The following SLC35F3 variants were observed in gnomAD, a reference collection of about 807,000 sequenced individuals.
The protein encoded by SLC35F3 is putative thiamine transporter SLC35F3.
Under a neutral mutation model 49.9 loss-of-function variants are expected in SLC35F3, and 25 were observed. That is an observed-to-expected ratio of 0.50 (90% CI 0.37 to 0.70). The LOEUF is 0.70. SLC35F3 is among the 30% of genes least tolerant of loss of function. SLC35F3 has a pLI of 0.00. For synonymous variants in SLC35F3, 275 were observed against 265.4 expected, an observed-to-expected ratio of 1.04 and a Z score of -0.35; for missense variants, 525 against 639.8, an observed-to-expected ratio of 0.82 and a Z score of 1.94.
chr1:233,952,772 G>A (rs755197214), intron 2 of SLC35F3, among the ~76,000 whole-genome samples: 4 of 152,086 alleles, frequency 2.6e-5, no homozygotes, highest in Non-Finnish European at 5.9e-5. Flanking sequence ...TCCCTCACAT[G>A]TGCACTGCTG....
chr1:233,929,149 G>A (rs1662204608), intron 2 of SLC35F3, among the ~76,000 whole-genome samples: 1 of 152,044 alleles, frequency 6.6e-6, no homozygotes, highest in Non-Finnish European at 1.5e-5. Context: ...GTAAAGATTT[G>A]GCCCAATAAT....
At chr1:234,069,133 T>C (rs920165237) in intron 2 of SLC35F3, among the ~76,000 whole-genome samples, 26 of 133,532 alleles carry the variant, frequency 1.9e-4, no homozygotes, top group African/African-American at 7.2e-4. Context: ...ATATAAAATA[T>C]ATAATATATA....
chr1:234,035,057 C>T (rs1003270015), intron 2 of SLC35F3, among the ~76,000 whole-genome samples: 16 of 152,144 alleles, frequency 1.1e-4, no homozygotes, highest in Non-Finnish European at 2.2e-4. Context: ...ATGCCTAATG[C>T]GCAGCTGTCA....
chr1:234,296,084 G>GC (rs1277027414), intron 3 of SLC35F3, among the ~76,000 whole-genome samples: 1 of 152,214 alleles, frequency 6.6e-6, no homozygotes, highest in Non-Finnish European at 1.5e-5. Flanking sequence ...TGAGAGCCCA[G>GC]CAGCTGTTAT....
At chr1:234,140,194 A>G (rs953790508) in intron 2 of SLC35F3, among the ~76,000 whole-genome samples, 10 of 151,822 alleles carry the variant, frequency 6.6e-5, no homozygotes, top group African/African-American at 2.4e-4. Context: ...TAAACCTATG[A>G]GCCGTTTCTG....
At chr1:234,191,229 T>G (rs1404501048) in intron 2 of SLC35F3, among the ~76,000 whole-genome samples, 1 of 152,120 alleles carries the variant, frequency 6.6e-6, no homozygotes, top group African/African-American at 2.4e-5. Flanking sequence ...TTAAGAAAAC[T>G]GAAATTATGT....
rs767985589 is a variant in SLC35F3, at chr1:234,316,566, G to A, written c.829-36G>A. 2.7e-5 allele frequency: 42 copies of A among 1,583,268 alleles called. No individual in the cohort carries two copies. The Middle Eastern group carries it at 1.5e-3, about 56-fold the overall frequency. On this transcript the variant is annotated intron_variant, in intron 4 of 7. Coordinates refer to ENST00000366618, the MANE Select transcript of SLC35F3 (RefSeq NM_173508.4). ...TGCATACTCCCTCTGACTCCGTCCC[G>A]ACTTCCCTGACCAGCATTTTCTTCC...
chr1:233,952,153 T>C lies in SLC35F3; in HGVS notation c.283+46395T>C, dbSNP rs183093261. 3.1e-3 allele frequency among the ~76,000 whole-genome samples: 477 copies of C among 152,282 alleles called. 3 individuals are homozygous for C. Among genetic ancestry groups the C allele is most frequent in the African/African-American group, 0.011 (441 of 41,574 alleles). ...TTTTTATGGTGCTTTTTTTTTCTTC[T>C]ACTTCTTTCATGAACTTGAAGATAT... On this transcript the variant is annotated intron_variant, in intron 2 of 7. Coordinates refer to ENST00000366618, the MANE Select transcript of SLC35F3 (RefSeq NM_173508.4).
At chr1:234,316,457 G>A (rs755314391) in intron 4 of SLC35F3, 145 bp from the exon 5 acceptor site, 59 of 1,078,482 alleles carry the variant, frequency 5.5e-5, no homozygotes, top group Non-Finnish European at 7.3e-5. Context: ...TTTGCCTGTT[G>A]CTCTCCCAAG....
intron 3 of SLC35F3, among the ~76,000 whole-genome samples, chr1:234,232,615 C>G (rs1667403252): frequency 6.6e-6 from 1 of 151,898 alleles, no homozygotes; most frequent in East Asian, 1.9e-4. Flanking sequence ...TTATCAGCCC[C>G]AGAGGTGAGG....
At chr1:234,072,278 A>G (rs931981616) in intron 2 of SLC35F3, among the ~76,000 whole-genome samples, 1 of 152,210 alleles carries the variant, frequency 6.6e-6, no homozygotes, top group African/African-American at 2.4e-5. Context: ...GGCACTTGCT[A>G]TGGTCATATG....
intron 2 of SLC35F3, among the ~76,000 whole-genome samples, chr1:233,907,874 C>T (rs1174426581): frequency 2.0e-5 from 3 of 152,072 alleles, no homozygotes; most frequent in Admixed American, 6.5e-5. Flanking sequence ...TACAGGCGTG[C>T]GCCACCACAT....
At chr1:234,206,500 G>A (rs1000182231) in intron 2 of SLC35F3, among the ~76,000 whole-genome samples, 1 of 136,108 alleles carries the variant, frequency 7.3e-6, no homozygotes, top group Non-Finnish European at 1.6e-5. Flanking sequence ...CTATTTCCCG[G>A]GGGGGGGCTA....
intron 2 of SLC35F3, among the ~76,000 whole-genome samples, chr1:233,961,333 T>C (rs1371845611): frequency 6.6e-6 from 1 of 152,106 alleles, no homozygotes; most frequent in Non-Finnish European, 1.5e-5. Context: ...AGGCAAGATC[T>C]TGGGCCCCAC....
At chr1:234,051,552 G>T (rs1024392855) in intron 2 of SLC35F3, among the ~76,000 whole-genome samples, 2 of 152,012 alleles carry the variant, frequency 1.3e-5, no homozygotes, top group African/African-American at 4.8e-5. Flanking sequence ...GAGATGATGG[G>T]GTTTTCTAAA....
intron 2 of SLC35F3, among the ~76,000 whole-genome samples, chr1:234,131,131 G>A (rs1018740804): frequency 6.6e-6 from 1 of 152,098 alleles, no homozygotes; most frequent in African/African-American, 2.4e-5. Flanking sequence ...GATGAAAGAG[G>A]GAATAGTTAA....
At chr1:234,119,431 A>G (rs1665540392) in intron 2 of SLC35F3, among the ~76,000 whole-genome samples, 1 of 152,182 alleles carries the variant, frequency 6.6e-6, no homozygotes, top group Non-Finnish European at 1.5e-5. Flanking sequence ...ATTCCAAATT[A>G]TAGCTAATTT....
intron 2 of SLC35F3, among the ~76,000 whole-genome samples, chr1:234,202,549 T>C (rs148904505): frequency 1.7e-3 from 263 of 152,390 alleles, no homozygotes; most frequent in South Asian, 8.1e-3. Flanking sequence ...CTGATGCCTG[T>C]GAATGACGTG....
rs1443320151 is a variant in SLC35F3 at position 234,175,567 on chromosome 1, C to T, written c.284-55850C>T. On this transcript the variant is annotated intron_variant, in intron 2 of 7. Transcript: ENST00000366618. ...AGTCCCAGCTATGTGGGAGGCTGAG[C>T]CAGGAGGAGCACTTGGGCTCAGGAG... Among the ~76,000 whole-genome samples the T allele has an allele frequency of 2.0e-5, 3 of 150,782 alleles. No individual in the cohort carries two copies. In the South Asian group the frequency reaches 6.2e-4, roughly 31 times the overall value.
Sources: allele counts gnomAD v4.1 joint callset (sites outside exome capture counted in the v4.1 genomes callset), GRCh38; gene constraint gnomAD v4.1.1; transcripts MANE v1.5; gene names NCBI Gene and HGNC (gene_info 2026-07-23, HGNC 2026-07-21).